Variants in SLC35E3 observed in about 807,000 individuals in gnomAD.
SLC35E3 encodes bladder cancer-overexpressed gene 1 protein.
A neutral mutation model predicts 30.8 loss-of-function variants in SLC35E3; 28 were observed. That is an observed-to-expected ratio of 0.91 (90% CI 0.67 to 1.25). SLC35E3 has a LOEUF of 1.25. Among genes scored for constraint, SLC35E3 ranks in the 50% most tolerant of loss-of-function variants. SLC35E3 has a pLI of 0.00. For synonymous variants in SLC35E3, 146 were observed against 149.2 expected, an observed-to-expected ratio of 0.98 and a Z score of 0.16; for missense variants, 365 against 375.4, an observed-to-expected ratio of 0.97 and a Z score of 0.23.
At chr12:68,755,862 G>A (rs1028827297) in intron 3 of SLC35E3, among the ~76,000 whole-genome samples, 47 of 152,102 alleles carry the variant, frequency 3.1e-4, no homozygotes, top group African/African-American at 1.1e-3. Context: ...TCCAACATTG[G>A]TGATCAAATT....
rs533549100 is a variant in SLC35E3, at chr12:68,772,604, C to T, written c.*7714C>T. 2.0e-5 allele frequency: 3 copies of T among 152,252 alleles called. 1 individual carries two copies. The highest frequency in any genetic ancestry group is 2.0e-4 in the Admixed American group (3 of 15,286). The allele number at this position is 152,252 out of a possible 1,614,324, so 9.4% of individuals were successfully genotyped here. A position where few individuals can be genotyped will look rare whatever the true frequency, so the allele number is the denominator to read the frequency against. On this transcript the variant is annotated 3_prime_UTR_variant, in exon 5 of 5. Transcript: ENST00000398004. ...TTTTAATTTGGAAAGCAGCATATCACTCAAACTATAGTAATTCACATTTTT... is the reference window on the plus strand; with the variant it reads ...TTTTAATTTGGAAAGCAGCATATCATTCAAACTATAGTAATTCACATTTTT...
rs1467033578 is a variant in SLC35E3 at position 68,746,332 on chromosome 12, C to A, written c.-46C>A. 6.6e-7 allele frequency: 1 copy of A among 1,523,376 alleles called. No individual in the cohort carries two copies. The highest frequency in any genetic ancestry group is 8.8e-7 in the Non-Finnish European group (1 of 1,140,546). The allele number at this position is 1,523,376 out of a possible 1,614,324, so 94.4% of individuals were successfully genotyped here. A position where few individuals can be genotyped will look rare whatever the true frequency, so the allele number is the denominator to read the frequency against. On this transcript the variant is annotated 5_prime_UTR_variant, in exon 1 of 5. Coordinates refer to ENST00000398004, the MANE Select transcript of SLC35E3 (RefSeq NM_018656.5). ...GAGTAGAAGGGCAGCCGGAGACAGG[C>A]CCGGCGCCCCTTCCGAGGCTAGACG... is the stretch of plus-strand genomic sequence containing the variant.
rs1043835319 is a variant in SLC35E3, at chr12:68,771,682, G to A, written c.*6792G>A. Reference sequence around the variant, plus strand: ...AAAAAATACAATAATTAATAGTTTCGAAAGAAAGAAACCTGCCAAGCAAAA... The same window carrying A: ...AAAAAATACAATAATTAATAGTTTCAAAAGAAAGAAACCTGCCAAGCAAAA... On this transcript the variant is annotated 3_prime_UTR_variant, in exon 5 of 5. Transcript: ENST00000398004. 4.0e-5 allele frequency: 6 copies of A among 150,600 alleles called. No homozygotes were observed. The highest frequency in any genetic ancestry group is 7.5e-5 in the African/African-American group (3 of 40,004). 9.3% of individuals were successfully genotyped at this position (150,600 alleles called of 1,614,324 possible).
At chr12:68,756,252 C>T (rs1231490532) in intron 3 of SLC35E3, among the ~76,000 whole-genome samples, 2 of 144,598 alleles carry the variant, frequency 1.4e-5, no homozygotes, top group African/African-American at 5.2e-5. Flanking sequence ...GGATTTTTTT[C>T]GTAGCCTTCT....
At position 68,770,817 on chromosome 12, in the gene SLC35E3, G is replaced by C. The variant is rs891681558; in HGVS notation, c.*5927G>C. The C allele has an allele frequency of 3.3e-5, 5 of 152,914 alleles. No individual in the cohort carries two copies. The highest frequency in any genetic ancestry group is 1.2e-4 in the African/African-American group (5 of 41,396). The allele number at this position is 152,914 out of a possible 1,614,324, so 9.5% of individuals were successfully genotyped here. ...CCACTGCACTCTAGCCTGGGTGACA[G>C]AGTGAGTCCCTGTCTCAACAACAAC... On this transcript the variant is annotated 3_prime_UTR_variant, in exon 5 of 5. Transcript: ENST00000398004.
Position 68,779,327 on chromosome 12 carries a change from AT to A in SLC35E3, c.*14440del, listed in dbSNP as rs1879825072. The A allele has an allele frequency of 6.6e-6, 1 of 152,308 alleles. No individual in the cohort carries two copies. Among genetic ancestry groups the A allele is most frequent in the Non-Finnish European group, 1.5e-5 (1 of 68,026 alleles). 9.4% of individuals were successfully genotyped at this position (152,308 alleles called of 1,614,324 possible). ...ATGAAAAGATTTTTGTTTTCTGTAC[AT>A]TTATTTAAATTTAAAAAGTATTTAA... On this transcript the variant is annotated 3_prime_UTR_variant, in exon 5 of 5. Coordinates refer to ENST00000398004, the MANE Select transcript of SLC35E3 (RefSeq NM_018656.5).
intron 2 of SLC35E3, among the ~76,000 whole-genome samples, chr12:68,748,703 G>GA (rs970731101): frequency 2.0e-5 from 3 of 152,100 alleles, no homozygotes; most frequent in African/African-American, 4.8e-5. Flanking sequence ...ATTTAGTGGA[G>GA]AAAAAATAAC....
Position 68,766,486 on chromosome 12 carries a change from CA to C in SLC35E3, c.*1614del, listed in dbSNP as rs57012731. 2,641 of 83,544 alleles carry C rather than the reference CA, an allele frequency of 0.032. No homozygotes were observed. The highest frequency in any genetic ancestry group is 0.14 in the South Asian group (671 of 4,930). 5.2% of individuals were successfully genotyped at this position (83,544 alleles called of 1,614,324 possible). A position where few individuals can be genotyped will look rare whatever the true frequency, so the allele number is the denominator to read the frequency against. ...GGGCAACAAGAGTGAAACTCCATCTCAAAAAAAAAAAAAAAAAATAGCCCTA... is the reference window on the plus strand; with the variant it reads ...GGGCAACAAGAGTGAAACTCCATCTCAAAAAAAAAAAAAAAAATAGCCCTA... On this transcript the variant is annotated 3_prime_UTR_variant, in exon 5 of 5. Coordinates refer to ENST00000398004, the MANE Select transcript of SLC35E3 (RefSeq NM_018656.5).
intron 3 of SLC35E3, among the ~76,000 whole-genome samples, chr12:68,753,859 TC>T (rs1224691059): frequency 6.6e-6 from 1 of 151,330 alleles, no homozygotes; most frequent in Non-Finnish European, 1.5e-5. Context: ...CTATTTCTTT[TC>T]TTTTTTTTGA....
intron 2 of SLC35E3, among the ~76,000 whole-genome samples, chr12:68,749,792 G>C (rs920897693): frequency 6.6e-6 from 1 of 152,182 alleles, no homozygotes; most frequent in Non-Finnish European, 1.5e-5. Context: ...TGATTTGTTT[G>C]GTGAGGCTAG....
At position 68,766,561 on chromosome 12, in the gene SLC35E3, G is replaced by A; in HGVS notation, c.*1671G>A. 4.4e-6 allele frequency: 1 copy of A among 224,870 alleles called. No individual in the cohort carries two copies. Among genetic ancestry groups the A allele is most frequent in the Non-Finnish European group, 9.3e-6 (1 of 107,358 alleles). 13.9% of individuals were successfully genotyped at this position (224,870 alleles called of 1,614,324 possible). ...ACTATAAATGGAATTGAACATGTTTGTTAGCTGTTTGAGCATTTTATATTG... is the reference window on the plus strand; with the variant it reads ...ACTATAAATGGAATTGAACATGTTTATTAGCTGTTTGAGCATTTTATATTG... On this transcript the variant is annotated 3_prime_UTR_variant, in exon 5 of 5. Coordinates refer to ENST00000398004, the MANE Select transcript of SLC35E3 (RefSeq NM_018656.5).
At chr12:68,757,380 T>C (rs1489262619) in intron 3 of SLC35E3, among the ~76,000 whole-genome samples, 1 of 152,214 alleles carries the variant, frequency 6.6e-6, no homozygotes, top group Non-Finnish European at 1.5e-5. Flanking sequence ...AACTTAAACT[T>C]CTTAATAGTT....
intron 2 of SLC35E3, among the ~76,000 whole-genome samples, chr12:68,749,001 AAAG>A (rs1479391552): frequency 2.0e-5 from 3 of 152,358 alleles, no homozygotes; most frequent in African/African-American, 7.2e-5. Context: ...AGTTTAAATA[AAAG>A]AAGAGGCTAG....
rs1385411525 is a variant in SLC35E3 at position 68,778,283 on chromosome 12, A to G, written c.*13393A>G. The G allele has an allele frequency of 2.6e-5, 4 of 152,184 alleles. No homozygotes were observed. Among genetic ancestry groups the G allele is most frequent in the Non-Finnish European group, 5.9e-5 (4 of 68,050 alleles). 9.4% of individuals were successfully genotyped at this position (152,184 alleles called of 1,614,324 possible). On this transcript the variant is annotated 3_prime_UTR_variant, in exon 5 of 5. Transcript: ENST00000398004. The stretch of plus-strand genomic sequence containing the variant: ...CAACCCAGAAAACAGCATGAAAATT[A>G]AAAGGAAAATTGAGATTTTAAATAC...
rs1421798684 is a variant in SLC35E3 at position 68,771,977 on chromosome 12, AAGT to A, written c.*7090_*7092del. On this transcript the variant is annotated 3_prime_UTR_variant, in exon 5 of 5. Coordinates refer to ENST00000398004, the MANE Select transcript of SLC35E3 (RefSeq NM_018656.5). ...ATAATTTCTCATTTGCTTATAATAA[AAGT>A]AGATTGAATAAATTAATCAGAAGGG... 6.6e-6 allele frequency: 1 copy of A among 152,182 alleles called. No individual in the cohort carries two copies. The highest frequency in any genetic ancestry group is 2.4e-5 in the African/African-American group (1 of 41,456). The allele number at this position is 152,182 out of a possible 1,614,324, so 9.4% of individuals were successfully genotyped here.
In SLC35E3 at chr12:68,771,338, G is replaced by A. The variant is rs1315874890; in HGVS notation, c.*6448G>A. 1 of 152,034 alleles carries A rather than the reference G, an allele frequency of 6.6e-6. No homozygotes were observed. Among genetic ancestry groups the A allele is most frequent in the African/African-American group, 2.4e-5 (1 of 41,390 alleles). The allele number at this position is 152,034 out of a possible 1,614,324, so 9.4% of individuals were successfully genotyped here. Reference sequence around the variant, plus strand: ...ATAGAGGCCCAGAACTCAGGAAAATGTTTAGTTGAGGTGGAGATAAAACAG... The same window carrying A: ...ATAGAGGCCCAGAACTCAGGAAAATATTTAGTTGAGGTGGAGATAAAACAG... On this transcript the variant is annotated 3_prime_UTR_variant, in exon 5 of 5. Coordinates refer to ENST00000398004, the MANE Select transcript of SLC35E3 (RefSeq NM_018656.5).
intron 4 of SLC35E3, among the ~76,000 whole-genome samples, chr12:68,763,817 C>G (rs1879300845): frequency 6.6e-6 from 1 of 152,168 alleles, no homozygotes; most frequent in Non-Finnish European, 1.5e-5. Flanking sequence ...CGTGGGCTTT[C>G]AAGTTAAATA....
chr12:68,746,947 T>C (rs978936787), intron 1 of SLC35E3, among the ~76,000 whole-genome samples, 168 bp downstream of exon 1: 1 of 152,232 alleles, frequency 6.6e-6, no homozygotes, highest in Admixed American at 6.5e-5. Flanking sequence ...GAAAAGGCCA[T>C]CTTGTCAGCC....
At chr12:68,763,050 T>C (rs1481263197) in intron 4 of SLC35E3, among the ~76,000 whole-genome samples, 1 of 152,186 alleles carries the variant, frequency 6.6e-6, no homozygotes, top group Non-Finnish European at 1.5e-5. Context: ...TGATGTTGGG[T>C]GGTTGTATTT....
Sources: gnomAD v4.1 joint callset for allele counts (sites outside exome capture counted in the v4.1 genomes callset) on GRCh38, gnomAD v4.1.1 for gene constraint, MANE v1.5 for transcripts, NCBI Gene and HGNC (gene_info 2026-07-23, HGNC 2026-07-21) for gene names.